The following AMMECR1 variants were observed in gnomAD, a reference collection of about 807,000 sequenced individuals.
The protein encoded by AMMECR1 is AMMECR nuclear protein 1, also known as nuclear protein AMMECR1.
A neutral mutation model predicts 22.5 loss-of-function variants in AMMECR1; 3 were observed. That is an observed-to-expected ratio of 0.13 (90% CI 0.06 to 0.35). AMMECR1 has a LOEUF of 0.35. Among genes scored for constraint, AMMECR1 ranks in the 10% least tolerant of loss-of-function variants. The pLI is 1.00. For missense variants in AMMECR1, 235 were observed against 278.7 expected (o/e 0.84, Z 1.12); for synonymous variants, 130 against 116.7 (o/e 1.11, Z -0.74).
chrX:110,323,596 T>G (rs756684490), intron 2 of AMMECR1, among the ~76,000 whole-genome samples: 8 of 112,730 alleles, frequency 7.1e-5, no homozygotes, highest in Admixed American at 2.8e-4. Context: ...CATTCCTTTT[T>G]ATGGCCAAAT....
At chrX:110,421,022 G>T (rs1323550481) in intron 2 of AMMECR1, among the ~76,000 whole-genome samples, 1 of 111,813 alleles carries the variant, frequency 8.9e-6, no homozygotes, top group Non-Finnish European at 1.9e-5. Flanking sequence ...TTAGGATTAT[G>T]TCATTGATAT....
intron 1 of AMMECR1, among the ~76,000 whole-genome samples, chrX:110,273,087 T>C (rs2067808028): frequency 8.9e-6 from 1 of 111,990 alleles, no homozygotes; most frequent in South Asian, 3.7e-4. Flanking sequence ...GAAATGGCCA[T>C]CCTGTTTTCC....
intron 3 of AMMECR1, among the ~76,000 whole-genome samples, chrX:110,212,628 T>C (rs1198331146): frequency 4.5e-5 from 5 of 112,334 alleles, no homozygotes; most frequent in Non-Finnish European, 9.4e-5. Context: ...CAGGTTAAAA[T>C]TGCATACTTA....
At chrX:110,208,839 C>G (rs1479247279) in intron 3 of AMMECR1, among the ~76,000 whole-genome samples, 1 of 111,253 alleles carries the variant, frequency 9.0e-6, no homozygotes, top group Non-Finnish European at 1.9e-5. Flanking sequence ...GGAAAAAACC[C>G]CCAATTCTCT....
intron 2 of AMMECR1, chrX:110,346,673 G>A (rs1268802225): frequency 3.3e-6 from 2 of 614,597 alleles, no homozygotes; most frequent in African/African-American, 4.4e-5. Context: ...ATAAGAAGTG[G>A]TTTGGGAAAC....
intron 2 of AMMECR1, among the ~76,000 whole-genome samples, chrX:110,382,800 T>C (rs760168893): frequency 1.8e-5 from 2 of 112,145 alleles, no homozygotes; most frequent in Admixed American, 1.9e-4. Context: ...GGCCACTGTG[T>C]TAATTAAATT....
At chrX:110,425,701 C>T (rs1327915580) in intron 2 of AMMECR1, among the ~76,000 whole-genome samples, 1 of 111,983 alleles carries the variant, frequency 8.9e-6, no homozygotes, top group African/African-American at 3.3e-5. Context: ...ACTATTATTT[C>T]CCCCACGTTA....
intron 1 of AMMECR1, among the ~76,000 whole-genome samples, chrX:110,303,650 T>A (rs1385876040): frequency 1.8e-5 from 2 of 112,116 alleles, no homozygotes; most frequent in African/African-American, 6.5e-5. Context: ...GTACTACCAC[T>A]ATTTTAACAT....
At chrX:110,317,175 G>T (rs1373364632) in intron 1 of AMMECR1, among the ~76,000 whole-genome samples, 1 of 111,405 alleles carries the variant, frequency 9.0e-6, no homozygotes. Flanking sequence ...TTCTCCATGT[G>T]CAAGATACGC....
At chrX:110,332,879 G>A (rs914541055) in intron 2 of AMMECR1, among the ~76,000 whole-genome samples, 1 of 111,394 alleles carries the variant, frequency 9.0e-6, no homozygotes, top group African/African-American at 3.3e-5. Context: ...GAGCATCAAG[G>A]ACTACTTTTG....
chrX:110,428,681 A>G (rs2068772398), intron 1 of AMMECR1, among the ~76,000 whole-genome samples: 1 of 110,404 alleles, frequency 9.1e-6, no homozygotes, highest in Non-Finnish European at 1.9e-5. Flanking sequence ...GTCATTCCTC[A>G]TTGTCTGCAG....
intron 1 of AMMECR1, among the ~76,000 whole-genome samples, chrX:110,427,312 C>T (rs746001747): frequency 2.2e-4 from 25 of 112,062 alleles, no homozygotes; most frequent in Admixed American, 3.8e-4. Context: ...TAAATAGCCT[C>T]ACAACACCTG....
At chrX:110,217,639 C>T (rs985758571) in intron 2 of AMMECR1, among the ~76,000 whole-genome samples, 7 of 110,596 alleles carry the variant, frequency 6.3e-5, no homozygotes, top group African/African-American at 2.3e-4. Context: ...TACTGGTATT[C>T]ATAACATCCA....
chrX:110,225,637 C>T lies in AMMECR1; in HGVS notation c.585-9005G>A, dbSNP rs1296709077. Among the ~76,000 whole-genome samples, 6 of 112,101 alleles carry T rather than the reference C, an allele frequency of 5.4e-5. No homozygotes were observed. In the East Asian group the frequency reaches 1.7e-3, roughly 31 times the overall value. ...TCTGCATTATACTGGTTGAACATCC[C>T]AAATCCAAAATTCTGAGATCTGAAG... On this transcript the variant is annotated intron_variant, in intron 2 of 5. Coordinates refer to ENST00000262844, the MANE Select transcript of AMMECR1 (RefSeq NM_015365.3).
At chrX:110,226,529 C>T (rs1446425054) in intron 2 of AMMECR1, among the ~76,000 whole-genome samples, 3 of 111,608 alleles carry the variant, frequency 2.7e-5, no homozygotes, top group African/African-American at 3.3e-5. Context: ...ATCACTTGAA[C>T]CCAGGAGGTG....
At chrX:110,333,153 G>T (rs1277429157) in intron 2 of AMMECR1, among the ~76,000 whole-genome samples, 2 of 111,950 alleles carry the variant, frequency 1.8e-5, no homozygotes, top group Admixed American at 1.9e-4. Context: ...GGTATCATTT[G>T]CTAGGGTCTT....
intron 2 of AMMECR1, among the ~76,000 whole-genome samples, chrX:110,226,791 A>T (rs764995320): frequency 2.7e-4 from 30 of 111,929 alleles, no homozygotes; most frequent in Non-Finnish European, 5.4e-4. Flanking sequence ...GCTTCCGTTC[A>T]TAGGATTTAA....
chrX:110,248,096 CA>C (rs762994668), intron 2 of AMMECR1, among the ~76,000 whole-genome samples: 11 of 111,887 alleles, frequency 9.8e-5, no homozygotes, highest in Admixed American at 1.9e-4. Context: ...GAAAAAGACA[CA>C]ATCTGAGGCT....
chrX:110,201,124 T>C, intron 4 of AMMECR1, 74 bp from the exon 5 acceptor site: 1 of 649,518 alleles, frequency 1.5e-6, no homozygotes, highest in African/African-American at 2.2e-5. Flanking sequence ...ACAAAATGAC[T>C]TTGTAGAGGT....
Sources: allele counts gnomAD v4.1 joint callset (sites outside exome capture counted in the v4.1 genomes callset), GRCh38; gene constraint gnomAD v4.1.1; transcripts MANE v1.5; gene names NCBI Gene and HGNC (gene_info 2026-07-23, HGNC 2026-07-21).